CELF2: variants seen among roughly 807,000 people sequenced by gnomAD.
CELF2 encodes the protein CUG triplet repeat RNA-binding protein 2.
CELF2 carries 8 observed loss-of-function variants against 62.6 expected under a neutral mutation model. That is an observed-to-expected ratio of 0.13 (90% CI 0.07 to 0.23). The LOEUF (loss-of-function observed/expected upper bound fraction) is 0.23. Among genes scored for constraint, CELF2 ranks in the 10% least tolerant of loss-of-function variants. The probability of loss-of-function intolerance (pLI) is 1.00; values close to 1 mark genes in which losing one functional copy is unlikely to be tolerated. For synonymous variants in CELF2, 258 were observed against 250.0 expected (o/e 1.03, Z -0.30); for missense variants, 333 against 671.0 (o/e 0.50, Z 5.56).
intron 2 of CELF2, among the ~76,000 whole-genome samples, chr10:11,213,530 G>T (rs1818973672): frequency 1.3e-5 from 2 of 152,144 alleles, no homozygotes; most frequent in African/African-American, 4.8e-5. Flanking sequence ...CATAATAATT[G>T]TCATTTCAGG....
the CELF2 span, among the ~76,000 whole-genome samples, chr10:10,785,917 G>A: frequency 2.6e-3 from 403 of 152,222 alleles, 1 homozygote; most frequent in African/African-American, 9.4e-3. Context: ...AGTATGTGAG[G>A]TATTAGATAT....
chr10:10,904,647 G>T (rs10795832), intron 1 of CELF2, among the ~76,000 whole-genome samples: 74,682 of 151,984 alleles, frequency 0.49, 19,492 homozygotes, highest in Non-Finnish European at 0.59. Context: ...CATGCAGGTT[G>T]TTTCTGTTGC....
intron 1 of CELF2, among the ~76,000 whole-genome samples, chr10:10,815,763 T>C (rs1203437761): frequency 1.3e-5 from 2 of 152,122 alleles, no homozygotes; most frequent in Non-Finnish European, 2.9e-5. Context: ...ATTCAGTAAA[T>C]GAGCAGACCC....
the CELF2 span, among the ~76,000 whole-genome samples, chr10:10,609,612 G>T: frequency 6.6e-6 from 1 of 152,232 alleles, no homozygotes; most frequent in Non-Finnish European, 1.5e-5. Context: ...AACTTTGCTG[G>T]GGCCAACTCT....
intron 1 of CELF2, among the ~76,000 whole-genome samples, chr10:11,161,606 T>C (rs1483296614): frequency 6.6e-6 from 1 of 152,262 alleles, no homozygotes; most frequent in Non-Finnish European, 1.5e-5. Context: ...GAGTATTGTA[T>C]ATCAAGTACT....
At chr10:10,708,874 G>A in the CELF2 span, among the ~76,000 whole-genome samples, 1,355 of 152,016 alleles carry the variant, frequency 8.9e-3, 33 homozygotes, top group African/African-American at 0.031. Flanking sequence ...TTACACACAC[G>A]CACACGCACA....
chr10:10,977,033 C>G (rs2051428825), intron 2 of CELF2, among the ~76,000 whole-genome samples: 1 of 152,144 alleles, frequency 6.6e-6, no homozygotes, highest in Non-Finnish European at 1.5e-5. Flanking sequence ...TAAAAGAGTT[C>G]CTGCTGGTTA....
chr10:11,214,714 G>A lies in CELF2; in HGVS notation c.272-2711G>A, dbSNP rs1186123952. 6.6e-6 allele frequency among the ~76,000 whole-genome samples: 1 copy of A among 152,206 alleles called. No homozygotes were observed. The highest frequency in any genetic ancestry group is 2.4e-5 in the African/African-American group (1 of 41,454). On this transcript the variant is annotated intron_variant, in intron 2 of 12. Coordinates refer to ENST00000633077, the MANE Select transcript of CELF2 (RefSeq NM_001326342.2). The surrounding 1 kb of genome is among the most constrained non-coding windows in gnomAD (Gnocchi z 4.2). ...CGGTATCCTCCTGCGTGTCACACTG[G>A]AACTAGAGCTTCTCTTGGCATGATG...
chr10:10,486,084 C>T, the CELF2 span, among the ~76,000 whole-genome samples: 2 of 152,142 alleles, frequency 1.3e-5, no homozygotes, highest in African/African-American at 4.8e-5. Context: ...TGAAGAAATG[C>T]TACAGCCTCT....
intron 1 of CELF2, among the ~76,000 whole-genome samples, chr10:10,906,954 T>A (rs1445376847): frequency 3.9e-5 from 6 of 152,184 alleles, no homozygotes; most frequent in African/African-American, 7.2e-5. Context: ...CTTGACCTCG[T>A]GATCCACCCC....
intron 10 of CELF2, chr10:11,320,786 G>A: frequency 6.9e-7 from 1 of 1,441,406 alleles, no homozygotes; most frequent in African/African-American, 1.4e-5. Context: ...CCCAGTAAAT[G>A]GATTTCAGTG....
intron 9 of CELF2, among the ~76,000 whole-genome samples, chr10:11,304,876 G>A (rs1041162052): frequency 3.3e-5 from 5 of 152,136 alleles, no homozygotes; most frequent in South Asian, 2.1e-4. Context: ...TGGATGTCTC[G>A]GGTTGGCTGG....
chr10:10,793,582 T>C (rs1346739694), upstream of CELF2, among the ~76,000 whole-genome samples: 3 of 152,152 alleles, frequency 2.0e-5, no homozygotes, highest in Non-Finnish European at 4.4e-5. Context: ...TCTCAACACA[T>C]CAATATTACC....
intron 4 of CELF2, among the ~76,000 whole-genome samples, chr10:11,249,998 C>T (rs779390792): frequency 8.5e-5 from 13 of 152,210 alleles, no homozygotes; most frequent in Non-Finnish European, 1.6e-4. Context: ...GGCAGTTTTG[C>T]ACCTCATTAA....
the CELF2 span, among the ~76,000 whole-genome samples, chr10:10,696,711 C>T: frequency 1.3e-3 from 205 of 152,242 alleles, 3 homozygotes; most frequent in Admixed American, 0.012. Context: ...CGTGGTGCGC[C>T]GTTTTTTAAG....
chr10:11,189,834 A>G (rs2075883457), intron 2 of CELF2, among the ~76,000 whole-genome samples: 1 of 152,222 alleles, frequency 6.6e-6, no homozygotes, highest in African/African-American at 2.4e-5. Context: ...TTAGTGGCAC[A>G]CGTTGACTCA....
chr10:10,736,575 T>C, the CELF2 span, among the ~76,000 whole-genome samples: 1 of 152,080 alleles, frequency 6.6e-6, no homozygotes, highest in Non-Finnish European at 1.5e-5. Flanking sequence ...TTTTGTTTGT[T>C]TGTTTGTTTG....
intron 9 of CELF2, among the ~76,000 whole-genome samples, chr10:11,292,433 A>G (rs899354033): frequency 2.8e-4 from 42 of 152,248 alleles, no homozygotes; most frequent in African/African-American, 9.9e-4. Flanking sequence ...TTCCATTGAC[A>G]GGGGGCTTTG....
chr10:10,512,813 A>G, the CELF2 span, among the ~76,000 whole-genome samples: 1 of 152,054 alleles, frequency 6.6e-6, no homozygotes, highest in Non-Finnish European at 1.5e-5. Flanking sequence ...TAGTTCCTCT[A>G]CTGAATTTCG....
Sources: gnomAD v4.1 joint callset for allele counts (sites outside exome capture counted in the v4.1 genomes callset) on GRCh38, gnomAD v4.1.1 for gene constraint, Gnocchi (gnomAD v3.1) non-coding constraint, MANE v1.5 for transcripts, NCBI Gene and HGNC (gene_info 2026-07-23, HGNC 2026-07-21) for gene names.